Variants in TBCK observed in about 807,000 individuals in gnomAD.
The protein encoded by TBCK is TBC1 domain containing kinase.
Under a neutral mutation model 113.4 loss-of-function variants are expected in TBCK, and 99 were observed. The ratio of observed to expected loss-of-function variants is 0.87; its 90% CI spans 0.74 to 1.03. The LOEUF is 1.03. Among genes scored for constraint, TBCK ranks in the 50% least tolerant of loss-of-function variants. The probability of loss-of-function intolerance (pLI) is 0.00; values close to 1 mark genes in which losing one functional copy is unlikely to be tolerated. For missense variants in TBCK, 1,045 were observed against 1,061.3 expected (o/e 0.98, Z 0.21); for synonymous variants, 369 against 370.8 (o/e 1.00, Z 0.05).
intron 25 of TBCK, among the ~76,000 whole-genome samples, chr4:106,093,085 T>C (rs1740495650): frequency 6.6e-6 from 1 of 152,238 alleles, no homozygotes; most frequent in South Asian, 2.1e-4. Context: ...TGTTCTCTGT[T>C]GGATGGTAGA....
intron 3 of TBCK, among the ~76,000 whole-genome samples, chr4:106,274,348 T>A (rs1763798414): frequency 2.6e-5 from 4 of 152,098 alleles, no homozygotes; most frequent in African/African-American, 9.7e-5. Context: ...CAATATGAAC[T>A]AAAAGCAGGT....
chr4:106,260,314 T>C (rs1762385092), intron 5 of TBCK, 123 bp downstream of exon 5: 1 of 411,874 alleles, frequency 2.4e-6, no homozygotes, highest in Non-Finnish European at 4.3e-6. Flanking sequence ...TTGAGATGCA[T>C]TAATTTTAAA....
At chr4:106,216,974 T>C (rs961441336) in intron 19 of TBCK, among the ~76,000 whole-genome samples, 3 of 152,178 alleles carry the variant, frequency 2.0e-5, no homozygotes, top group Non-Finnish European at 4.4e-5. Context: ...CTCAATAAAA[T>C]ACTGCCAAAC....
At chr4:106,164,254 T>C (rs1750116284) in intron 23 of TBCK, 1 of 152,032 alleles carries the variant, frequency 6.6e-6, no homozygotes, top group Admixed American at 6.6e-5. Context: ...GATGCAAAGC[T>C]AACCTTTTTG....
chr4:106,155,331 G>C (rs1322187248), intron 23 of TBCK, among the ~76,000 whole-genome samples: 6 of 152,000 alleles, frequency 3.9e-5, no homozygotes, highest in Non-Finnish European at 8.8e-5. Flanking sequence ...CCTTGAGGTA[G>C]TCTTCTTTGA....
chr4:106,074,533 A>G (rs1737932773), intron 25 of TBCK, among the ~76,000 whole-genome samples: 1 of 152,204 alleles, frequency 6.6e-6, no homozygotes, highest in South Asian at 2.1e-4. Flanking sequence ...GATGACTTAG[A>G]ATAAATAATT....
At chr4:106,106,292 G>T (rs1043780900) in intron 24 of TBCK, among the ~76,000 whole-genome samples, 1 of 152,138 alleles carries the variant, frequency 6.6e-6, no homozygotes, top group African/African-American at 2.4e-5. Context: ...GAAATACAGA[G>T]AACTCCTGCA....
rs1426323478 is a variant in TBCK, at chr4:106,122,899, A to T, written c.2236-6521T>A. 2.0e-5 allele frequency among the ~76,000 whole-genome samples: 3 copies of T among 152,348 alleles called. No homozygotes were observed. In the East Asian group the frequency reaches 5.8e-4, roughly 29 times the overall value. On this transcript the variant is annotated intron_variant, in intron 23 of 25. Transcript: ENST00000394708. ...TTCAAAATAATAAGAGCTATCTATG[A>T]CAAACCCACAGCCAATATCATACTG...
At chr4:106,138,594 T>A (rs1261548432) in intron 23 of TBCK, among the ~76,000 whole-genome samples, 1 of 141,318 alleles carries the variant, frequency 7.1e-6, no homozygotes, top group Non-Finnish European at 1.6e-5. Flanking sequence ...GAGGTTACAG[T>A]AAGTGAAGAA....
intron 25 of TBCK, among the ~76,000 whole-genome samples, chr4:106,081,715 A>G (rs1738892158): frequency 1.3e-5 from 2 of 152,224 alleles, no homozygotes; most frequent in African/African-American, 4.8e-5. Context: ...CCTCCAACAA[A>G]GGTCTAGTAT....
chr4:106,241,379 T>G (rs1760122640), intron 12 of TBCK, among the ~76,000 whole-genome samples: 1 of 151,966 alleles, frequency 6.6e-6, no homozygotes, highest in Admixed American at 6.6e-5. Flanking sequence ...TAATTTTTTA[T>G]GAAGTTCTTT....
At chr4:106,189,484 C>T (rs971935895) in intron 22 of TBCK, among the ~76,000 whole-genome samples, 1 of 152,018 alleles carries the variant, frequency 6.6e-6, no homozygotes, top group Non-Finnish European at 1.5e-5. Flanking sequence ...AAAACTTTCA[C>T]TGAACAACTG....
intron 19 of TBCK, among the ~76,000 whole-genome samples, chr4:106,217,249 A>G (rs888398404): frequency 6.6e-6 from 1 of 152,142 alleles, no homozygotes; most frequent in African/African-American, 2.4e-5. Context: ...TGAGAAACCC[A>G]CAGCCAATAT....
chr4:106,064,003 T>C (rs1445348145), intron 25 of TBCK, among the ~76,000 whole-genome samples: 1 of 151,910 alleles, frequency 6.6e-6, no homozygotes. Context: ...ATCACCACAA[T>C]ATCTTAAAAC....
At chr4:106,280,823 G>A (rs982611606) in intron 3 of TBCK, among the ~76,000 whole-genome samples, 5 of 151,990 alleles carry the variant, frequency 3.3e-5, no homozygotes, top group South Asian at 2.1e-4. Context: ...AGCTGTTTTC[G>A]TTGCTCTGTA....
chr4:106,313,320 G>A (rs1023117476), intron 1 of TBCK, among the ~76,000 whole-genome samples: 5 of 151,780 alleles, frequency 3.3e-5, no homozygotes, highest in South Asian at 2.1e-4. Context: ...GGAGGATCAC[G>A]TGAGGTCAGG....
intron 22 of TBCK, among the ~76,000 whole-genome samples, chr4:106,193,204 TG>T (rs1362596611): frequency 6.6e-6 from 1 of 152,188 alleles, no homozygotes; most frequent in Non-Finnish European, 1.5e-5. Flanking sequence ...CAGCTTTGGC[TG>T]GGAGGCAACA....
intron 23 of TBCK, among the ~76,000 whole-genome samples, chr4:106,158,352 G>A (rs1465367688): frequency 6.6e-6 from 1 of 152,086 alleles, no homozygotes; most frequent in African/African-American, 2.4e-5. Context: ...AGACCAGCCT[G>A]GCCAACATGG....
At chr4:106,265,347 G>A (rs2150111517) in intron 3 of TBCK, among the ~76,000 whole-genome samples, 1 of 151,976 alleles carries the variant, frequency 6.6e-6, no homozygotes, top group East Asian at 1.9e-4. Flanking sequence ...AAAATGGGGT[G>A]TCCCCCCGAA....
Sources: gnomAD v4.1 joint callset for allele counts (sites outside exome capture counted in the v4.1 genomes callset) on GRCh38, gnomAD v4.1.1 for gene constraint, MANE v1.5 for transcripts, NCBI Gene and HGNC (gene_info 2026-07-23, HGNC 2026-07-21) for gene names.